Variants in EYS observed in about 807,000 individuals in gnomAD.
The protein encoded by EYS is EGF-like photoreceptor maintenance factor.
Under a neutral mutation model 282.1 loss-of-function variants are expected in EYS, and 250 were observed. The ratio of observed to expected loss-of-function variants is 0.89; its 90% CI spans 0.80 to 0.98. The LOEUF (loss-of-function observed/expected upper bound fraction) is 0.98. EYS is among the 50% of genes least tolerant of loss of function. The pLI, the probability that EYS is intolerant of heterozygous loss-of-function variation, is 0.00. For synonymous variants in EYS, 1,355 were observed against 1,282.9 expected, an observed-to-expected ratio of 1.06 and a Z score of -1.20; for missense variants, 4,016 against 3,709.0, an observed-to-expected ratio of 1.08 and a Z score of -2.15.
intron 2 of EYS, among the ~76,000 whole-genome samples, chr6:65,584,521 G>C (rs1764976414): frequency 6.6e-6 from 1 of 151,846 alleles, no homozygotes; most frequent in Non-Finnish European, 1.5e-5. Context: ...TTACCAATTA[G>C]GTTTTTTTCA....
chr6:65,053,960 CTG>C (rs1268417270), intron 13 of EYS, among the ~76,000 whole-genome samples: 2 of 151,900 alleles, frequency 1.3e-5, no homozygotes, highest in African/African-American at 4.8e-5. Flanking sequence ...GGGAAAAAGA[CTG>C]TGAAATCACT....
At chr6:65,443,188 C>T (rs1314993718) in intron 5 of EYS, among the ~76,000 whole-genome samples, 2 of 151,614 alleles carry the variant, frequency 1.3e-5, no homozygotes, top group Non-Finnish European at 2.9e-5. Flanking sequence ...ACATCATATA[C>T]ATATGTGCGC....
chr6:64,170,448 T>C (rs1475116867), intron 31 of EYS, among the ~76,000 whole-genome samples: 2 of 152,040 alleles, frequency 1.3e-5, no homozygotes, highest in Admixed American at 6.6e-5. Flanking sequence ...AGCAAGGCCA[T>C]ACCCCTTCTG....
At chr6:64,802,358 T>C (rs1164846991) in intron 22 of EYS, among the ~76,000 whole-genome samples, 1 of 152,042 alleles carries the variant, frequency 6.6e-6, no homozygotes, top group African/African-American at 2.4e-5. Flanking sequence ...GGCCGAGTTA[T>C]AACAAATTTC....
At chr6:64,632,242 G>T (rs568833136) in intron 22 of EYS, among the ~76,000 whole-genome samples, 2 of 151,910 alleles carry the variant, frequency 1.3e-5, no homozygotes, top group Non-Finnish European at 2.9e-5. Flanking sequence ...GTTCTTTTCC[G>T]TGATTTATCT....
chr6:64,302,085 C>T (rs750977124), intron 30 of EYS, among the ~76,000 whole-genome samples: 13 of 152,224 alleles, frequency 8.5e-5, no homozygotes, highest in Non-Finnish European at 1.9e-4. Flanking sequence ...ACGTACACAT[C>T]CTATTTTTAT....
chr6:65,427,519 C>T (rs922740187), intron 5 of EYS, among the ~76,000 whole-genome samples: 15 of 151,906 alleles, frequency 9.9e-5, no homozygotes, highest in Non-Finnish European at 5.9e-5. Context: ...ATTATAAACA[C>T]ATATTTTAAA....
At chr6:65,601,171 T>C (rs1765606515) in intron 2 of EYS, among the ~76,000 whole-genome samples, 1 of 151,932 alleles carries the variant, frequency 6.6e-6, no homozygotes, top group African/African-American at 2.4e-5. Flanking sequence ...AGTTTATTAG[T>C]GCTTTCCTTT....
At chr6:65,105,394 TTATATC>T (rs1775007554) in intron 12 of EYS, among the ~76,000 whole-genome samples, 2 of 151,756 alleles carry the variant, frequency 1.3e-5, no homozygotes, top group African/African-American at 4.8e-5. Context: ...AATGTAGTGG[TTATATC>T]ATTATATACA....
At chr6:65,616,489 T>A (rs2149798191) in intron 2 of EYS, among the ~76,000 whole-genome samples, 1 of 152,276 alleles carries the variant, frequency 6.6e-6, no homozygotes, top group South Asian at 2.1e-4. Context: ...CTATATGTTT[T>A]AAGAAGTAAA....
chr6:63,985,303 A>G (rs1435041847), intron 34 of EYS, among the ~76,000 whole-genome samples: 4 of 151,654 alleles, frequency 2.6e-5, no homozygotes, highest in Admixed American at 2.6e-4. Flanking sequence ...CCAACACCTT[A>G]CCAAAAATGA....
intron 22 of EYS, among the ~76,000 whole-genome samples, chr6:64,779,940 C>T (rs558156326): frequency 1.3e-4 from 20 of 152,310 alleles, no homozygotes; most frequent in African/African-American, 4.6e-4. Context: ...ACCATAAATG[C>T]TAACTTATAT....
intron 41 of EYS, among the ~76,000 whole-genome samples, chr6:63,730,827 C>A (rs2149634830): frequency 6.6e-6 from 1 of 152,208 alleles, no homozygotes; most frequent in East Asian, 1.9e-4. Context: ...CGAGACCAAC[C>A]TGGCCAACAT....
At chr6:64,876,362 A>G (rs1214058662) in intron 19 of EYS, among the ~76,000 whole-genome samples, 1 of 152,110 alleles carries the variant, frequency 6.6e-6, no homozygotes, top group Non-Finnish European at 1.5e-5. Flanking sequence ...TAAAAGAGAA[A>G]ACACTTTATG....
intron 12 of EYS, among the ~76,000 whole-genome samples, chr6:65,294,112 A>C (rs1315086867): frequency 6.6e-6 from 1 of 151,756 alleles, no homozygotes; most frequent in East Asian, 1.9e-4. Context: ...GGAAGAATTC[A>C]AGATGAAGGG....
At chr6:64,984,127 A>C (rs1344117850) in intron 14 of EYS, among the ~76,000 whole-genome samples, 2 of 151,438 alleles carry the variant, frequency 1.3e-5, no homozygotes, top group Non-Finnish European at 3.0e-5. Flanking sequence ...AAAATGATTC[A>C]AACTTAAAAC....
intron 14 of EYS, among the ~76,000 whole-genome samples, chr6:64,992,146 T>G (rs1319215323): frequency 2.6e-5 from 4 of 151,896 alleles, no homozygotes; most frequent in Non-Finnish European, 5.9e-5. Context: ...AAGAAACTGA[T>G]AAACAAATTA....
At chr6:65,001,368 C>T (rs566914694) in intron 13 of EYS, among the ~76,000 whole-genome samples, 6 of 147,098 alleles carry the variant, frequency 4.1e-5, no homozygotes, top group South Asian at 4.4e-4. Flanking sequence ...GGAGTTGGGC[C>T]GCACAGTGGC....
chr6:64,969,275 T>C (rs1013475658), intron 14 of EYS, among the ~76,000 whole-genome samples: 2 of 152,122 alleles, frequency 1.3e-5, no homozygotes, highest in African/African-American at 2.4e-5. Flanking sequence ...CATGCTGTAG[T>C]AGGGCAACTG....
Sources: allele counts gnomAD v4.1 joint callset (sites outside exome capture counted in the v4.1 genomes callset), GRCh38; gene constraint gnomAD v4.1.1; transcripts MANE v1.5; gene names NCBI Gene and HGNC (gene_info 2026-07-23, HGNC 2026-07-21).